The following SPTBN1 variants were observed in gnomAD, a reference collection of about 807,000 sequenced individuals.
SPTBN1 encodes the protein spectrin beta chain, non-erythrocytic 1.
SPTBN1 carries 32 observed loss-of-function variants against 266.4 expected under a neutral mutation model. The ratio of observed to expected loss-of-function variants is 0.12; its 90% CI spans 0.09 to 0.16. The LOEUF is 0.16. Among genes scored for constraint, SPTBN1 ranks in the 10% least tolerant of loss-of-function variants. The probability of loss-of-function intolerance (pLI) is 1.00; values close to 1 mark genes in which losing one functional copy is unlikely to be tolerated. For synonymous variants in SPTBN1, 1,336 were observed against 1,162.2 expected (o/e 1.15, Z -3.04); for missense variants, 2,296 against 3,067.1 (o/e 0.75, Z 5.94).
rs752410588 is a variant in SPTBN1 at position 54,623,602 on chromosome 2, G to A, written c.1182+6G>A. Reference sequence around the variant, plus strand: ...TCATCTCTGACATCAACAAGGTAAAGTGGATCTGGACTCTGCATGGGCCCT... The same window carrying A: ...TCATCTCTGACATCAACAAGGTAAAATGGATCTGGACTCTGCATGGGCCCT... On this transcript the variant is annotated splice_donor_region_variant and intron_variant, in intron 10 of 35. Coordinates refer to ENST00000356805, the MANE Select transcript of SPTBN1 (RefSeq NM_003128.3). The A allele has an allele frequency of 2.5e-6, 4 of 1,611,824 alleles. No homozygotes were observed. The highest frequency in any genetic ancestry group is 2.7e-5 in the African/African-American group (2 of 74,852).
At chr2:54,600,880 G>A (rs566682591) in intron 3 of SPTBN1, among the ~76,000 whole-genome samples, 80 of 151,624 alleles carry the variant, frequency 5.3e-4, no homozygotes, top group African/African-American at 1.8e-3. Flanking sequence ...GCTGTAGGGA[G>A]TAAACTGTTC....
chr2:54,632,207 C>G (rs1469498067), intron 16 of SPTBN1, among the ~76,000 whole-genome samples: 4 of 151,386 alleles, frequency 2.6e-5, no homozygotes, highest in Non-Finnish European at 1.5e-5. Context: ...ATAAAAACAG[C>G]TGAGGATAGT....
At position 54,670,474 on chromosome 2, in the gene SPTBN1, C is replaced by G; in HGVS notation, c.*1905C>G. 1 of 386,152 alleles carries G rather than the reference C, an allele frequency of 2.6e-6. No individual in the cohort carries two copies. Among genetic ancestry groups the G allele is most frequent in the Non-Finnish European group, 4.6e-6 (1 of 218,694 alleles). 23.9% of individuals were successfully genotyped at this position (386,152 alleles called of 1,614,324 possible). ...TCAAAGCTTTCTCTTAACTCTCTTACCTCTAGGCAAACTGAGACCTCACCA... is the reference window on the plus strand; with the variant it reads ...TCAAAGCTTTCTCTTAACTCTCTTAGCTCTAGGCAAACTGAGACCTCACCA... On this transcript the variant is annotated 3_prime_UTR_variant, in exon 36 of 36. Transcript: ENST00000356805.
intron 1 of SPTBN1, among the ~76,000 whole-genome samples, chr2:54,487,243 A>G (rs1668449632): frequency 6.7e-6 from 1 of 150,320 alleles, no homozygotes; most frequent in Admixed American, 6.6e-5. Context: ...TTGAAATTAA[A>G]TAGATTACTT....
At chr2:54,461,575 A>G (rs1272623651) in intron 1 of SPTBN1, among the ~76,000 whole-genome samples, 1 of 152,252 alleles carries the variant, frequency 6.6e-6, no homozygotes, top group Non-Finnish European at 1.5e-5. Flanking sequence ...ACTAGCCATA[A>G]GTGTTACAGT....
chr2:54,613,734 C>T (rs1030618398), intron 4 of SPTBN1, among the ~76,000 whole-genome samples: 1 of 152,218 alleles, frequency 6.6e-6, no homozygotes. Flanking sequence ...TCTTACATTT[C>T]TGTTATTTAG....
chr2:54,661,417 CTTT>C (rs1186861361), intron 32 of SPTBN1: 2 of 985,652 alleles, frequency 2.0e-6, no homozygotes, highest in Non-Finnish European at 2.4e-6. Flanking sequence ...TCTGATTTGT[CTTT>C]TTATTTCATG....
At chr2:54,570,700 G>C (rs751394808) in intron 2 of SPTBN1, among the ~76,000 whole-genome samples, 3 of 152,206 alleles carry the variant, frequency 2.0e-5, no homozygotes, top group Non-Finnish European at 4.4e-5. Context: ...AGTGGTTACA[G>C]CTAAGATTGT....
At chr2:54,587,979 G>T (rs1433381801) in intron 2 of SPTBN1, among the ~76,000 whole-genome samples, 1 of 152,176 alleles carries the variant, frequency 6.6e-6, no homozygotes, top group Non-Finnish European at 1.5e-5. Flanking sequence ...CCAGTGTGGT[G>T]CCTTGCTCAT....
chr2:54,479,527 A>G (rs1447252445), intron 1 of SPTBN1, among the ~76,000 whole-genome samples: 1 of 152,174 alleles, frequency 6.6e-6, no homozygotes, highest in Admixed American at 6.5e-5. Flanking sequence ...TATGAGAATG[A>G]AAGGAGACAC....
At chr2:54,563,668 A>G (rs1338178545) in intron 2 of SPTBN1, among the ~76,000 whole-genome samples, 2 of 121,924 alleles carry the variant, frequency 1.6e-5, no homozygotes, top group African/African-American at 3.3e-5. Context: ...CAGTGGCGCG[A>G]TCTCGGCTCA....
chr2:54,584,163 C>T (rs1675129757), intron 2 of SPTBN1, among the ~76,000 whole-genome samples: 1 of 152,130 alleles, frequency 6.6e-6, no homozygotes, highest in Admixed American at 6.5e-5. Context: ...CTCTTGCATT[C>T]AGTAATATTA....
At chr2:54,488,715 G>A (rs560469367) in intron 1 of SPTBN1, among the ~76,000 whole-genome samples, 2 of 152,152 alleles carry the variant, frequency 1.3e-5, no homozygotes, top group African/African-American at 4.8e-5. Context: ...ATTTTTGGCT[G>A]CAGAATAACT....
At chr2:54,568,518 T>A (rs1017449035) in intron 2 of SPTBN1, among the ~76,000 whole-genome samples, 1 of 152,174 alleles carries the variant, frequency 6.6e-6, no homozygotes, top group Non-Finnish European at 1.5e-5. Context: ...TAATCTTGAG[T>A]ATAATAGTTA....
chr2:54,629,324 G>A lies in SPTBN1; in HGVS notation c.2190G>A (p.Glu730=), dbSNP rs1678571909. The change falls in exon 14 of 36, where the codon GAG becomes GAA. Residue 730 remains glutamate (E), a synonymous_variant. Transcript: ENST00000356805. ...IYIREQWANL[E]QLSAIRKKRL... The stretch of plus-strand genomic sequence containing the variant: ...TCCGGGAGCAGTGGGCCAACCTAGA[G>A]CAGCTCTCGGCCATTCGGAAGAAGC... The A allele has an allele frequency of 6.2e-7, 1 of 1,614,056 alleles. No individual in the cohort carries two copies. Among genetic ancestry groups the A allele is most frequent in the Non-Finnish European group, 8.5e-7 (1 of 1,180,016 alleles).
intron 11 of SPTBN1, among the ~76,000 whole-genome samples, 167 bp from the exon 12 acceptor site, chr2:54,625,765 A>G (rs1010907129): frequency 1.3e-5 from 2 of 152,002 alleles, no homozygotes; most frequent in Admixed American, 1.3e-4. Context: ...TAATTTTTGT[A>G]TTTTTAGTAG....
Position 54,637,674 on chromosome 2 carries a change from T to C in SPTBN1, c.3768-39T>C, listed in dbSNP as rs114903761. 432 of 1,498,444 alleles carry C rather than the reference T, an allele frequency of 2.9e-4. 3 individuals carry two copies. In the African/African-American group the frequency reaches 5.5e-3, roughly 19 times the overall value. The allele number at this position is 1,498,444 out of a possible 1,614,324, so 92.8% of individuals were successfully genotyped here. On this transcript the variant is annotated intron_variant, in intron 17 of 35. Transcript: ENST00000356805. ...TATTCTGTATTTCAAGATTCTCTACTTCCTTTTTTAAAAATTATTTTTGTT... is the reference window on the plus strand; with the variant it reads ...TATTCTGTATTTCAAGATTCTCTACCTCCTTTTTTAAAAATTATTTTTGTT...
intron 1 of SPTBN1, among the ~76,000 whole-genome samples, chr2:54,495,679 T>TTTTTTTTTTTTATTATACTC (rs1279259203): frequency 7.0e-6 from 1 of 142,990 alleles, no homozygotes; most frequent in Non-Finnish European, 1.5e-5. Context: ...GCATGTGTTT[T>TTTTTTTTTTTTATTATACTC]TACCTTTATT....
At chr2:54,478,866 A>G (rs373099481) in intron 1 of SPTBN1, among the ~76,000 whole-genome samples, 12 of 152,080 alleles carry the variant, frequency 7.9e-5, no homozygotes, top group Admixed American at 6.6e-4. Flanking sequence ...TACCAGAGAT[A>G]AAAAAAGATG....
Sources: gnomAD v4.1 joint callset for allele counts (sites outside exome capture counted in the v4.1 genomes callset) on GRCh38, gnomAD v4.1.1 for gene constraint, MANE v1.5 for transcripts, NCBI Gene and HGNC (gene_info 2026-07-23, HGNC 2026-07-21) for gene names.